EPHB1: variants seen among roughly 807,000 people sequenced by gnomAD.
The protein encoded by EPHB1 is EPH receptor B1.
Under a neutral mutation model 94.4 loss-of-function variants are expected in EPHB1, and 30 were observed. The observed-to-expected ratio is 0.32, with a 90% CI of 0.24 to 0.43. The LOEUF is 0.43. EPHB1 is among the 20% of genes least tolerant of loss of function. The pLI is 1.00. For missense variants in EPHB1, 1,055 were observed against 1,308.3 expected (o/e 0.81, Z 2.99); for synonymous variants, 522 against 489.1 (o/e 1.07, Z -0.89).
chr3:135,010,252 T>C (rs1434417595), intron 3 of EPHB1, among the ~76,000 whole-genome samples: 1 of 152,200 alleles, frequency 6.6e-6, no homozygotes, highest in Non-Finnish European at 1.5e-5. Context: ...TTTTAAAAAT[T>C]TCACAGTATC....
chr3:135,008,767 A>G (rs977371096), intron 3 of EPHB1, among the ~76,000 whole-genome samples: 2 of 152,310 alleles, frequency 1.3e-5, no homozygotes, highest in Non-Finnish European at 2.9e-5. Context: ...GAAGAGCTGG[A>G]TCCAGGGAAG....
chr3:135,256,583 G>C (rs1465037155), intron 15 of EPHB1, among the ~76,000 whole-genome samples: 1 of 152,190 alleles, frequency 6.6e-6, no homozygotes, highest in Non-Finnish European at 1.5e-5. Flanking sequence ...TCTGCCGAGA[G>C]ATCTGCTGTT....
intron 3 of EPHB1, among the ~76,000 whole-genome samples, chr3:134,957,606 C>T (rs944387717): frequency 2.6e-5 from 4 of 152,090 alleles, no homozygotes; most frequent in African/African-American, 9.7e-5. Flanking sequence ...TGATAAAGCC[C>T]GAAAAGGGCT....
chr3:135,089,132 A>G (rs565314389), intron 3 of EPHB1, among the ~76,000 whole-genome samples: 108 of 152,356 alleles, frequency 7.1e-4, no homozygotes, highest in African/African-American at 1.7e-3. Flanking sequence ...GATGTTTAAC[A>G]TAAGTAGTTA....
intron 12 of EPHB1, among the ~76,000 whole-genome samples, chr3:135,204,442 T>C (rs1352967907): frequency 1.3e-5 from 2 of 150,956 alleles, no homozygotes; most frequent in Non-Finnish European, 3.0e-5. Flanking sequence ...TTGACCTCAG[T>C]TGATCTGGCC....
intron 12 of EPHB1, among the ~76,000 whole-genome samples, chr3:135,234,217 ATC>A (rs1385114337): frequency 4.6e-5 from 7 of 152,152 alleles, no homozygotes; most frequent in African/African-American, 1.4e-4. Flanking sequence ...TCCCCAAATA[ATC>A]TCTCTCAAGT....
chr3:135,164,152 G>A (rs1413742829), intron 7 of EPHB1, among the ~76,000 whole-genome samples: 1 of 152,176 alleles, frequency 6.6e-6, no homozygotes, highest in Non-Finnish European at 1.5e-5. Flanking sequence ...GGGGTTCCCT[G>A]TGTATTTTTC....
intron 3 of EPHB1, among the ~76,000 whole-genome samples, chr3:134,991,901 T>A (rs1209857343): frequency 6.6e-6 from 1 of 152,062 alleles, no homozygotes; most frequent in Non-Finnish European, 1.5e-5. Context: ...ATGGTAAGTA[T>A]TTTGCTGCTT....
At chr3:134,913,799 C>G (rs1482647332) in intron 1 of EPHB1, among the ~76,000 whole-genome samples, 1 of 152,186 alleles carries the variant, frequency 6.6e-6, no homozygotes, top group Middle Eastern at 3.2e-3. Flanking sequence ...GCATGTGTGC[C>G]AGGCATGGAG....
At chr3:135,174,607 T>G (rs1219308565) in intron 9 of EPHB1, among the ~76,000 whole-genome samples, 1 of 152,216 alleles carries the variant, frequency 6.6e-6, no homozygotes, top group Non-Finnish European at 1.5e-5. Flanking sequence ...TGAACTTTGT[T>G]TTGCCGATAG....
At chr3:135,024,988 T>A (rs1343074496) in intron 3 of EPHB1, among the ~76,000 whole-genome samples, 2 of 151,886 alleles carry the variant, frequency 1.3e-5, no homozygotes, top group Non-Finnish European at 2.9e-5. Flanking sequence ...TTTTCATATC[T>A]ACATATGTAT....
At chr3:135,221,323 T>C (rs932455773) in intron 12 of EPHB1, among the ~76,000 whole-genome samples, 1 of 152,256 alleles carries the variant, frequency 6.6e-6, no homozygotes, top group South Asian at 2.1e-4. Context: ...ACTAGTTCTC[T>C]GTACTAGAAA....
At chr3:135,146,429 G>A (rs142017789) in intron 5 of EPHB1, among the ~76,000 whole-genome samples, 1,664 of 152,326 alleles carry the variant, frequency 0.011, 24 homozygotes, top group African/African-American at 0.038. Flanking sequence ...TACAGGTGAC[G>A]AGACCTGTGG....
At chr3:134,845,544 G>A (rs2036856222) in intron 1 of EPHB1, among the ~76,000 whole-genome samples, 1 of 152,140 alleles carries the variant, frequency 6.6e-6, no homozygotes, top group Admixed American at 6.5e-5. Flanking sequence ...GTGACATTTG[G>A]CAGAGGGATC....
intron 1 of EPHB1, among the ~76,000 whole-genome samples, chr3:134,829,857 C>G (rs960817405): frequency 6.6e-6 from 1 of 152,128 alleles, no homozygotes; most frequent in Non-Finnish European, 1.5e-5. Flanking sequence ...AACATGACAG[C>G]AGAGATCAGA....
chr3:135,024,200 G>C lies in EPHB1; in HGVS notation c.805+72148G>C, dbSNP rs147739317. On this transcript the variant is annotated intron_variant, in intron 3 of 15. Coordinates refer to ENST00000398015, the MANE Select transcript of EPHB1 (RefSeq NM_004441.5). ...GAAAATCCCCTCTAAATGCAAAGAA[G>C]TGTGAGACTCAGTTGAAGCATGGTG... Among the ~76,000 whole-genome samples the C allele has an allele frequency of 2.4e-4, 36 of 152,308 alleles. No individual in the cohort carries two copies. The East Asian group carries it at 5.8e-3, about 24-fold the overall frequency.
chr3:134,893,985 C>T (rs557521914), intron 1 of EPHB1, among the ~76,000 whole-genome samples: 3 of 152,206 alleles, frequency 2.0e-5, no homozygotes, highest in Non-Finnish European at 4.4e-5. Context: ...CCCTAAGGAG[C>T]GCTCTTAAAT....
chr3:135,254,674 T>A (rs1226947967), intron 15 of EPHB1, among the ~76,000 whole-genome samples: 1 of 142,578 alleles, frequency 7.0e-6, no homozygotes. Context: ...TCTAAAATTC[T>A]CTTTTTTTTG....
At chr3:135,006,680 G>T (rs529395299) in intron 3 of EPHB1, among the ~76,000 whole-genome samples, 1 of 152,282 alleles carries the variant, frequency 6.6e-6, no homozygotes, top group East Asian at 1.9e-4. Flanking sequence ...GAGAGAGAAT[G>T]AGAGGAGAAT....
Sources: allele counts gnomAD v4.1 joint callset (sites outside exome capture counted in the v4.1 genomes callset), GRCh38; gene constraint gnomAD v4.1.1; transcripts MANE v1.5; gene names NCBI Gene and HGNC (gene_info 2026-07-23, HGNC 2026-07-21).